The following RAB3C variants were observed in gnomAD, a reference collection of about 807,000 sequenced individuals.
RAB3C encodes the protein RAB3C, member RAS oncogene family, also known as ras-related protein Rab-3C.
In RAB3C, 17 loss-of-function variants were observed where a neutral mutation model predicts 26.4. The ratio of observed to expected loss-of-function variants is 0.64; its 90% CI spans 0.44 to 0.97. The LOEUF is 0.97. RAB3C is among the 50% of genes least tolerant of loss of function. The pLI is 0.00. For synonymous variants in RAB3C, 91 were observed against 95.9 expected (o/e 0.95, Z 0.30); for missense variants, 242 against 281.9 (o/e 0.86, Z 1.01).
intron 4 of RAB3C, among the ~76,000 whole-genome samples, chr5:58,850,081 C>A (rs982457795): frequency 6.6e-6 from 1 of 152,192 alleles, no homozygotes. Flanking sequence ...TGGACCAGAG[C>A]AATCTCTGGC....
At chr5:58,676,358 C>T (rs1265923417) in intron 2 of RAB3C, among the ~76,000 whole-genome samples, 1 of 151,970 alleles carries the variant, frequency 6.6e-6, no homozygotes, top group Non-Finnish European at 1.5e-5. Context: ...CAAAAATTAG[C>T]CAGGTGTGGT....
chr5:58,622,009 T>G (rs1355615773), intron 2 of RAB3C, among the ~76,000 whole-genome samples: 1 of 152,176 alleles, frequency 6.6e-6, no homozygotes, highest in Admixed American at 6.5e-5. Flanking sequence ...GATTAGTAGA[T>G]TTGCAACAGT....
rs534909589 is a variant in RAB3C, at chr5:58,854,731, G to A, written c.*3380G>A. 5 of 152,244 alleles carry A rather than the reference G, an allele frequency of 3.3e-5. No individual in the cohort carries two copies. Among genetic ancestry groups the A allele is most frequent in the Non-Finnish European group, 7.4e-5 (5 of 68,012 alleles). 9.4% of individuals were successfully genotyped at this position (152,244 alleles called of 1,614,324 possible). A position where few individuals can be genotyped will look rare whatever the true frequency, so the allele number is the denominator to read the frequency against. On this transcript the variant is annotated 3_prime_UTR_variant, in exon 5 of 5. Coordinates refer to ENST00000282878, the MANE Select transcript of RAB3C (RefSeq NM_138453.4). ...AAGTGCTAAGATTTTTACTTGGAAAGAAAACTATGACAATGCCTTCAGTTG... is the reference window on the plus strand; with the variant it reads ...AAGTGCTAAGATTTTTACTTGGAAAAAAAACTATGACAATGCCTTCAGTTG...
At chr5:58,833,112 C>A (rs1238636239) in intron 4 of RAB3C, among the ~76,000 whole-genome samples, 1 of 151,898 alleles carries the variant, frequency 6.6e-6, no homozygotes, top group Admixed American at 6.6e-5. Flanking sequence ...TAGGGCAGTA[C>A]TGTTTTTTGA....
At chr5:58,788,169 C>T (rs965090282) in intron 3 of RAB3C, 2 of 152,382 alleles carry the variant, frequency 1.3e-5, no homozygotes, top group Admixed American at 1.3e-4. Flanking sequence ...GCAAGCTGTT[C>T]ATTTAATCTG....
intron 2 of RAB3C, among the ~76,000 whole-genome samples, chr5:58,670,852 C>G (rs923719332): frequency 2.0e-5 from 3 of 152,102 alleles, no homozygotes; most frequent in Non-Finnish European, 4.4e-5. Flanking sequence ...CAGACTTGCC[C>G]TTATTTATGA....
chr5:58,612,059 C>T (rs1043816570), intron 1 of RAB3C, among the ~76,000 whole-genome samples: 1 of 152,040 alleles, frequency 6.6e-6, no homozygotes, highest in African/African-American at 2.4e-5. Context: ...GGTCTTATTT[C>T]TGGGTTCTCT....
Position 58,726,004 on chromosome 5 carries a change from C to A in RAB3C, c.255C>A (p.Asp85Glu). 1 of 1,554,982 alleles carries A rather than the reference C, an allele frequency of 6.4e-7. No individual in the cohort carries two copies. Among genetic ancestry groups the A allele is most frequent in the Non-Finnish European group, 8.7e-7 (1 of 1,142,936 alleles). ...NEKRIKLQIW[D>E]TAGQERYRTI... Reference sequence around the variant, plus strand: ...ATCATTTTTTTTTTATTCTTTAGGACACAGCAGGCCAGGAAAGATACAGGA... The same window carrying A: ...ATCATTTTTTTTTTATTCTTTAGGAAACAGCAGGCCAGGAAAGATACAGGA... Residue 85 changes from aspartate (D) to glutamate (E), a missense_variant and splice_region_variant, in exon 3 of 5, where the codon GAC (aspartate) becomes GAA (glutamate). Transcript: ENST00000282878.
chr5:58,706,826 A>G (rs926198774), intron 2 of RAB3C, among the ~76,000 whole-genome samples: 12 of 152,184 alleles, frequency 7.9e-5, no homozygotes, highest in African/African-American at 2.7e-4. Flanking sequence ...ATTAGTTTCT[A>G]TCTTGAGTCA....
At chr5:58,787,107 G>A (rs912441214) in intron 3 of RAB3C, among the ~76,000 whole-genome samples, 2 of 152,172 alleles carry the variant, frequency 1.3e-5, no homozygotes, top group Non-Finnish European at 2.9e-5. Context: ...GCACGCATTG[G>A]GCAACAGGCC....
chr5:58,695,282 T>C (rs1245875692), intron 2 of RAB3C, among the ~76,000 whole-genome samples: 1 of 152,230 alleles, frequency 6.6e-6, no homozygotes, highest in East Asian at 1.9e-4. Flanking sequence ...CATTGGGCTA[T>C]ATCTCTGTTT....
At chr5:58,664,926 T>C (rs1199466407) in intron 2 of RAB3C, among the ~76,000 whole-genome samples, 4 of 152,054 alleles carry the variant, frequency 2.6e-5, no homozygotes, top group Non-Finnish European at 5.9e-5. Flanking sequence ...TCTCAAATAC[T>C]CCAAAGGTGT....
At chr5:58,778,294 C>T (rs1408108695) in intron 3 of RAB3C, among the ~76,000 whole-genome samples, 7 of 152,124 alleles carry the variant, frequency 4.6e-5, no homozygotes, top group Non-Finnish European at 7.4e-5. Context: ...TACATTTCAA[C>T]AAGAGGCAGG....
chr5:58,632,427 G>A (rs1488119631), intron 2 of RAB3C, among the ~76,000 whole-genome samples: 5 of 152,128 alleles, frequency 3.3e-5, no homozygotes, highest in Admixed American at 6.5e-5. Flanking sequence ...CAGGGAATAT[G>A]GATTTCTAAT....
At chr5:58,777,014 T>C (rs1049103888) in intron 3 of RAB3C, among the ~76,000 whole-genome samples, 21 of 152,170 alleles carry the variant, frequency 1.4e-4, no homozygotes, top group African/African-American at 4.8e-4. Flanking sequence ...AATAAGAATA[T>C]TGGACACTAC....
intron 4 of RAB3C, among the ~76,000 whole-genome samples, chr5:58,834,992 A>G (rs948783562): frequency 1.3e-5 from 2 of 152,188 alleles, no homozygotes; most frequent in Non-Finnish European, 2.9e-5. Flanking sequence ...TGCTCAGGAC[A>G]GTCCTGTTTA....
chr5:58,750,904 G>T (rs1741507988), intron 3 of RAB3C, among the ~76,000 whole-genome samples: 1 of 151,914 alleles, frequency 6.6e-6, no homozygotes, highest in Non-Finnish European at 1.5e-5. Flanking sequence ...AGCCAGGCTG[G>T]AATGCAGTGG....
chr5:58,594,970 T>G (rs1354112419), intron 1 of RAB3C, among the ~76,000 whole-genome samples: 2 of 151,938 alleles, frequency 1.3e-5, no homozygotes, highest in African/African-American at 4.8e-5. Context: ...CTCTTTCTCC[T>G]CAGGAAGAGG....
intron 3 of RAB3C, among the ~76,000 whole-genome samples, chr5:58,788,567 T>C (rs1267896127): frequency 6.6e-6 from 1 of 152,258 alleles, no homozygotes; most frequent in Non-Finnish European, 1.5e-5. Flanking sequence ...TGGACCCTGC[T>C]TTAGTGCACC....
Sources: gnomAD v4.1 joint callset for allele counts (sites outside exome capture counted in the v4.1 genomes callset) on GRCh38, gnomAD v4.1.1 for gene constraint, MANE v1.5 for transcripts, NCBI Gene and HGNC (gene_info 2026-07-23, HGNC 2026-07-21) for gene names.